Variants in DNAJC6 observed in about 807,000 individuals in gnomAD.
DNAJC6 encodes the protein auxilin.
Under a neutral mutation model 110.0 loss-of-function variants are expected in DNAJC6, and 34 were observed. The ratio of observed to expected loss-of-function variants is 0.31; its 90% CI spans 0.24 to 0.41. The LOEUF is 0.41. Ranked by LOEUF, DNAJC6 falls within the 10% of genes least tolerant of loss-of-function variation. DNAJC6 has a pLI of 1.00. For synonymous variants in DNAJC6, 406 were observed against 437.2 expected (o/e 0.93, Z 0.89); for missense variants, 1,031 against 1,207.8 (o/e 0.85, Z 2.17).
At chr1:65,340,496 T>C (rs147971746) in intron 1 of DNAJC6, among the ~76,000 whole-genome samples, 10 of 152,282 alleles carry the variant, frequency 6.6e-5, no homozygotes, top group African/African-American at 2.4e-4. Context: ...TAAGGAAGAA[T>C]GTGATAGTGA....
At chr1:65,326,212 C>A (rs1645240675) in intron 1 of DNAJC6, among the ~76,000 whole-genome samples, 1 of 152,174 alleles carries the variant, frequency 6.6e-6, no homozygotes, top group African/African-American at 2.4e-5. Flanking sequence ...TGCCACCCAG[C>A]AATCTCATCC....
chr1:65,313,219 ATT>A (rs1338581703), intron 1 of DNAJC6, among the ~76,000 whole-genome samples: 7 of 135,820 alleles, frequency 5.2e-5, no homozygotes, highest in African/African-American at 8.2e-5. Context: ...TGCCTGGCTA[ATT>A]TTTTTTTTTT....
intron 8 of DNAJC6, among the ~76,000 whole-genome samples, chr1:65,387,320 A>G (rs1645882764): frequency 6.6e-6 from 1 of 152,230 alleles, no homozygotes. Context: ...ACCACATAAC[A>G]TAAAAGTCAC....
At chr1:65,336,341 C>T (rs1645336637) in intron 1 of DNAJC6, among the ~76,000 whole-genome samples, 1 of 152,192 alleles carries the variant, frequency 6.6e-6, no homozygotes, top group Non-Finnish European at 1.5e-5. Context: ...TTACCTCCCA[C>T]TGGGTCCCTC....
At chr1:65,360,607 A>G (rs539320160) in intron 1 of DNAJC6, among the ~76,000 whole-genome samples, 17 of 152,342 alleles carry the variant, frequency 1.1e-4, no homozygotes, top group African/African-American at 3.8e-4. Flanking sequence ...TATCCTCACT[A>G]TATTTAAAAC....
At position 65,411,246 on chromosome 1, in the gene DNAJC6, A is replaced by G. The variant is rs1229624843; in HGVS notation, c.2635-4A>G. The G allele has an allele frequency of 1.9e-6, 3 of 1,610,888 alleles. No individual in the cohort carries two copies. In the Admixed American group the frequency reaches 5.0e-5, roughly 27 times the overall value. On this transcript the variant is annotated splice_polypyrimidine_tract_variant and splice_region_variant and intron_variant, in intron 17 of 18. Transcript: ENST00000371069. ...GAATTTCTTAATCCCCTTTGTGTTT[A>G]CAGATTCTGGAATGGATTGAAGGCA...
intron 1 of DNAJC6, among the ~76,000 whole-genome samples, chr1:65,295,702 T>C (rs1644922243): frequency 6.6e-6 from 1 of 152,214 alleles, no homozygotes; most frequent in South Asian, 2.1e-4. Flanking sequence ...GAAGTCTGGG[T>C]CTGTCCATCT....
chr1:65,322,487 C>G (rs990068970), intron 1 of DNAJC6, among the ~76,000 whole-genome samples: 1 of 152,058 alleles, frequency 6.6e-6, no homozygotes, highest in Non-Finnish European at 1.5e-5. Context: ...ATATTAGTAC[C>G]TAAAGATGTA....
In DNAJC6 at chr1:65,370,632, C is replaced by G. The variant is rs562362447; in HGVS notation, c.543+4436C>G. ...GTCTCTCCTTCTTCCACTGTTTACC[C>G]AGGAAGGACAGTATGGTGACAGAGT... On this transcript the variant is annotated intron_variant, in intron 4 of 18. Transcript: ENST00000371069. Among the ~76,000 whole-genome samples the G allele has an allele frequency of 3.9e-5, 6 of 152,294 alleles. No homozygotes were observed. In the South Asian group the frequency reaches 1.2e-3, roughly 32 times the overall value.
chr1:65,307,014 C>CTATA (rs1330055090), upstream of DNAJC6, among the ~76,000 whole-genome samples: 104 of 75,906 alleles, frequency 1.4e-3, no homozygotes, highest in East Asian at 5.3e-3. Context: ...CTCTCTCTCT[C>CTATA]TCTCTATATA....
chr1:65,358,178 CAAAAAA>C (rs11285114), intron 1 of DNAJC6, among the ~76,000 whole-genome samples: 1 of 80,036 alleles, frequency 1.2e-5, no homozygotes, highest in Non-Finnish European at 2.4e-5. Flanking sequence ...GACTCAGTCT[CAAAAAA>C]AAAAAAAAAA....
At position 65,388,425 on chromosome 1, in the gene DNAJC6, G is replaced by A; in HGVS notation, c.1193+10G>A. On this transcript the variant is annotated intron_variant, in intron 9 of 18. Transcript: ENST00000371069. ...TTTTAAAGTTCACCAAGTAAGTACT[G>A]GTTGGGCCAAAAGTCTATTTGAATC... 1.2e-6 allele frequency: 2 copies of A among 1,612,756 alleles called. No individual in the cohort carries two copies. The highest frequency in any genetic ancestry group is 8.5e-7 in the Non-Finnish European group (1 of 1,178,958).
chr1:65,352,293 T>C (rs751356860), intron 1 of DNAJC6, among the ~76,000 whole-genome samples: 1 of 152,172 alleles, frequency 6.6e-6, no homozygotes, highest in Non-Finnish European at 1.5e-5. Context: ...GCTCTCTGAC[T>C]GTTATGTTCC....
intron 4 of DNAJC6, among the ~76,000 whole-genome samples, chr1:65,375,393 A>G (rs569988049): frequency 6.6e-6 from 1 of 151,102 alleles, no homozygotes; most frequent in African/African-American, 2.4e-5. Flanking sequence ...TGATTTGCAT[A>G]TATTGAGCCA....
chr1:65,326,593 A>G (rs1382178072), intron 1 of DNAJC6, among the ~76,000 whole-genome samples: 1 of 152,216 alleles, frequency 6.6e-6, no homozygotes, highest in Non-Finnish European at 1.5e-5. Flanking sequence ...CCTGGGGCCC[A>G]GGGGCAGTGG....
chr1:65,359,333 G>T (rs146222547), intron 1 of DNAJC6, among the ~76,000 whole-genome samples: 1 of 152,112 alleles, frequency 6.6e-6, no homozygotes, highest in East Asian at 1.9e-4. Flanking sequence ...AGGATACTGC[G>T]TCTAGTTTCC....
intron 5 of DNAJC6, among the ~76,000 whole-genome samples, chr1:65,380,892 TTTTTTTTTTTTG>T (rs1325876493): frequency 2.1e-5 from 3 of 140,268 alleles, no homozygotes; most frequent in African/African-American, 8.6e-5. Context: ...GGGAGGGAGT[TTTTTTTTTTTTG>T]TTTTTTGTTT....
intron 1 of DNAJC6, among the ~76,000 whole-genome samples, chr1:65,284,439 T>C (rs918545463): frequency 6.6e-6 from 1 of 152,174 alleles, no homozygotes; most frequent in Non-Finnish European, 1.5e-5. Flanking sequence ...TGTTCTCCTT[T>C]TCCTCAGAGT....
intron 4 of DNAJC6, among the ~76,000 whole-genome samples, chr1:65,368,410 G>C (rs1049837168): frequency 2.6e-5 from 4 of 151,950 alleles, no homozygotes; most frequent in Admixed American, 1.3e-4. Flanking sequence ...TGTGCACACA[G>C]ACACACACAA....
Sources: gnomAD v4.1 joint callset for allele counts (sites outside exome capture counted in the v4.1 genomes callset) on GRCh38, gnomAD v4.1.1 for gene constraint, MANE v1.5 for transcripts, NCBI Gene and HGNC (gene_info 2026-07-23, HGNC 2026-07-21) for gene names.